CNTLN: variants seen among roughly 807,000 people sequenced by gnomAD.
CNTLN encodes the protein centlein, also known as centlein, centrosomal protein.
In CNTLN, 212 loss-of-function variants were observed where a neutral mutation model predicts 180.0. That is an observed-to-expected ratio of 1.18 (90% CI 1.05 to 1.32). The LOEUF is 1.32. CNTLN is among the 40% of genes most tolerant of loss of function. CNTLN has a pLI of 0.00. For synonymous variants in CNTLN, 722 were observed against 563.1 expected (o/e 1.28, Z -3.99); for missense variants, 2,095 against 1,610.9 (o/e 1.30, Z -5.14).
chr9:17,481,952 T>C (rs576553349), intron 23 of CNTLN, among the ~76,000 whole-genome samples: 1 of 152,348 alleles, frequency 6.6e-6, no homozygotes, highest in African/African-American at 2.4e-5. Flanking sequence ...TGAAGGACTA[T>C]TCCTGCTGAA....
At chr9:17,235,529 TG>T in intron 3 of CNTLN, 128 bp from the exon 4 acceptor site, 1 of 707,588 alleles carries the variant, frequency 1.4e-6, no homozygotes. Flanking sequence ...ATGAGAATTG[TG>T]GTGACAGACA....
Position 17,445,252 on chromosome 9 carries a change from A to G in CNTLN, c.3115-12272A>G, listed in dbSNP as rs1488455478. Among the ~76,000 whole-genome samples, 5 of 152,118 alleles carry G rather than the reference A, an allele frequency of 3.3e-5. No individual in the cohort carries two copies. The East Asian group carries it at 9.7e-4, about 29-fold the overall frequency. On this transcript the variant is annotated intron_variant, in intron 18 of 25. Coordinates refer to ENST00000380647, the MANE Select transcript of CNTLN (RefSeq NM_017738.4). ...TAGTACTGCTGCTGTTAAATTTGTA[A>G]TGAGTTGTAGGGTTTTGAAATTCCC...
At chr9:17,215,761 C>A (rs752212848) in intron 2 of CNTLN, among the ~76,000 whole-genome samples, 1 of 152,160 alleles carries the variant, frequency 6.6e-6, no homozygotes, top group African/African-American at 2.4e-5. Flanking sequence ...GTGGGCACCC[C>A]TTCTCCAGCC....
At chr9:17,188,225 C>T (rs1429851893) in intron 2 of CNTLN, among the ~76,000 whole-genome samples, 2 of 151,820 alleles carry the variant, frequency 1.3e-5, no homozygotes, top group African/African-American at 4.8e-5. Context: ...ATAAATGTCT[C>T]ATCAATGTTT....
the CNTLN span, among the ~76,000 whole-genome samples, chr9:17,511,168 CT>C: frequency 1.3e-5 from 2 of 152,216 alleles, no homozygotes; most frequent in South Asian, 4.1e-4. Context: ...TCTCCAAAAC[CT>C]GCTTATGTGG....
intron 18 of CNTLN, among the ~76,000 whole-genome samples, chr9:17,441,386 A>G (rs142941066): frequency 6.6e-6 from 1 of 152,220 alleles, no homozygotes; most frequent in Non-Finnish European, 1.5e-5. Context: ...TAATGAATAC[A>G]TAATATAAAA....
chr9:17,190,814 A>G (rs1782855774), intron 2 of CNTLN, among the ~76,000 whole-genome samples: 1 of 151,048 alleles, frequency 6.6e-6, no homozygotes, highest in Non-Finnish European at 1.5e-5. Flanking sequence ...TAGGAAAATT[A>G]TAATTATAGC....
At position 17,288,757 on chromosome 9, in the gene CNTLN, T is replaced by A. The variant is rs1253024331; in HGVS notation, c.984-9433T>A. Among the ~76,000 whole-genome samples, 3 of 137,764 alleles carry A rather than the reference T, an allele frequency of 2.2e-5. 1 individual carries two copies. Among genetic ancestry groups the A allele is most frequent in the Non-Finnish European group, 4.6e-5 (3 of 65,662 alleles). The allele number at this position is 137,764 out of a possible 152,430, so 90.4% of individuals were successfully genotyped here. On this transcript the variant is annotated intron_variant, in intron 6 of 25. Coordinates refer to ENST00000380647, the MANE Select transcript of CNTLN (RefSeq NM_017738.4). ...TGTTGAATTGATCCCTTTACCATTA[T>A]GTAATGGCCTTCTTTGTCTCTTTTG...
At chr9:17,427,312 C>G (rs1372977758) in intron 18 of CNTLN, among the ~76,000 whole-genome samples, 1 of 33,902 alleles carries the variant, frequency 2.9e-5, no homozygotes, top group Non-Finnish European at 9.3e-5. Context: ...GATTTTTCAG[C>G]AATACTCGAA....
intron 2 of CNTLN, among the ~76,000 whole-genome samples, chr9:17,164,802 G>C (rs189128111): frequency 6.7e-6 from 1 of 149,898 alleles, no homozygotes; most frequent in Non-Finnish European, 1.5e-5. Context: ...TAAAAGTCCA[G>C]ATTCTTAGAA....
At chr9:17,437,499 C>T (rs1002777180) in intron 18 of CNTLN, among the ~76,000 whole-genome samples, 1 of 152,120 alleles carries the variant, frequency 6.6e-6, no homozygotes, top group Non-Finnish European at 1.5e-5. Context: ...AACATACTTT[C>T]AGATAGGTGT....
At chr9:17,262,270 G>A (rs1320748210) in intron 5 of CNTLN, among the ~76,000 whole-genome samples, 3 of 151,476 alleles carry the variant, frequency 2.0e-5, no homozygotes, top group Non-Finnish European at 4.4e-5. Context: ...AAAGACACAT[G>A]CACACGTATG....
In CNTLN at chr9:17,409,259, C is replaced by A. The variant is rs374394575; in HGVS notation, c.2616-34C>A. 5.3e-5 allele frequency: 84 copies of A among 1,589,758 alleles called. No individual in the cohort carries two copies. The African/African-American group carries it at 1.1e-3, about 20-fold the overall frequency. ...ACAAGTACATGTAACAACTTTTATT[C>A]TTGGATTTTATGTCCCTACTTTTTT... On this transcript the variant is annotated intron_variant, in intron 15 of 25. Transcript: ENST00000380647.
At chr9:17,447,341 G>A in intron 18 of CNTLN, 1 of 200,046 alleles carries the variant, frequency 5.0e-6, no homozygotes. Flanking sequence ...CATAGTTGAG[G>A]TTGCAGAGGT....
chr9:17,156,126 CCTT>C (rs946127251), intron 2 of CNTLN, among the ~76,000 whole-genome samples: 24 of 152,198 alleles, frequency 1.6e-4, no homozygotes, highest in African/African-American at 4.8e-4. Context: ...AAATCACTCA[CCTT>C]CTCTGTTGAT....
intron 18 of CNTLN, among the ~76,000 whole-genome samples, chr9:17,452,137 T>C (rs1400817172): frequency 6.6e-6 from 1 of 152,198 alleles, no homozygotes; most frequent in Non-Finnish European, 1.5e-5. Context: ...AAATATATTG[T>C]TTTGGGAGTA....
chr9:17,260,668 T>G (rs572590498), intron 5 of CNTLN, among the ~76,000 whole-genome samples: 1 of 151,544 alleles, frequency 6.6e-6, no homozygotes, highest in African/African-American at 2.4e-5. Flanking sequence ...CAGAAGCTCT[T>G]TAGCTATGCA....
At chr9:17,299,890 C>A in intron 7 of CNTLN, 1 of 673,920 alleles carries the variant, frequency 1.5e-6, no homozygotes, top group Non-Finnish European at 1.8e-6. Context: ...AATTGGGTGG[C>A]TTTCTTCCTT....
At chr9:17,353,863 T>C (rs899905533) in intron 12 of CNTLN, among the ~76,000 whole-genome samples, 8 of 152,160 alleles carry the variant, frequency 5.3e-5, no homozygotes, top group Non-Finnish European at 1.0e-4. Flanking sequence ...AGCCCACCAC[T>C]GCACTGTGGG....
Sources: allele counts gnomAD v4.1 joint callset (sites outside exome capture counted in the v4.1 genomes callset), GRCh38; gene constraint gnomAD v4.1.1; transcripts MANE v1.5; gene names NCBI Gene and HGNC (gene_info 2026-07-23, HGNC 2026-07-21).